FAM151A: variants seen among roughly 807,000 people sequenced by gnomAD.
FAM151A encodes protein FAM151A.
Under a neutral mutation model 40.4 loss-of-function variants are expected in FAM151A, and 41 were observed. That is an observed-to-expected ratio of 1.01 (90% CI 0.79 to 1.32). FAM151A has a LOEUF of 1.32. Ranked by LOEUF, FAM151A falls within the 40% of genes most tolerant of loss-of-function variation. The pLI is 0.00. For missense variants in FAM151A, 740 were observed against 740.4 expected (o/e 1.00, Z 0.01); for synonymous variants, 337 against 312.5 (o/e 1.08, Z -0.83).
chr1:54,610,610 C>T (rs1644107850), intron 6 of FAM151A, 55 bp from the exon 7 acceptor site: 1 of 1,583,192 alleles, frequency 6.3e-7, no homozygotes, highest in Non-Finnish European at 8.6e-7. Context: ...GAACACCTTA[C>T]CTGGTTGCTA....
intron 1 of FAM151A, chr1:54,621,497 A>T (rs1195609036): frequency 6.6e-6 from 1 of 152,170 alleles, no homozygotes; most frequent in African/African-American, 2.4e-5. Context: ...AAAAAAGATA[A>T]AAGATTGGAA....
rs1644119888 is a variant in FAM151A, at chr1:54,611,658, T to G, written c.888A>C (p.Gln296His). The G allele has an allele frequency of 1.2e-6, 2 of 1,614,040 alleles. No individual in the cohort carries two copies. The highest frequency in any genetic ancestry group is 2.2e-5 in the South Asian group (2 of 91,076). The change falls in exon 6 of 8, where the codon CAA (glutamine) becomes CAC (histidine). Residue 296 changes from glutamine (Q) to histidine (H), a missense_variant. Physicochemically the swap from Gln to His is conservative, Grantham distance 24. Coordinates refer to ENST00000302250, the MANE Select transcript of FAM151A (RefSeq NM_176782.3). ...LYVRDNTAVH[Q>H]VYYDIFEPLL... The stretch of plus-strand genomic sequence containing the variant: ...GAGGCTCAAAGATGTCATAGTAGAC[T>G]TGGTGGACAGCAGTGTTATCCCGGA...
intron 3 of FAM151A, among the ~76,000 whole-genome samples, chr1:54,615,094 G>T (rs77314204): frequency 0.031 from 4,653 of 152,224 alleles, 245 homozygotes; most frequent in African/African-American, 0.11. Context: ...CATCTCCTGC[G>T]GGGAGGAAAC....
At chr1:54,621,537 C>A in intron 1 of FAM151A, 1 of 152,258 alleles carries the variant, frequency 6.6e-6, no homozygotes, top group Admixed American at 6.5e-5. Flanking sequence ...TGAATGGCCT[C>A]GAACTTTAGC....
At chr1:54,610,289 A>G (rs1644103010) in intron 7 of FAM151A, 123 bp downstream of exon 7, 1 of 1,514,900 alleles carries the variant, frequency 6.6e-7, no homozygotes, top group South Asian at 1.3e-5. Context: ...CCCACCTTGC[A>G]TCCAGGGTAT....
Position 54,610,497 on chromosome 1 carries a change from C to G in FAM151A, c.999G>C (p.Gln333His). The G allele has an allele frequency of 1.9e-6, 3 of 1,613,320 alleles. 1 individual carries two copies. In the South Asian group the frequency reaches 3.3e-5, roughly 18 times the overall value. The change falls in exon 7 of 8, where the codon CAG (glutamine) becomes CAC (histidine). Residue 333 changes from glutamine (Q) to histidine (H), a missense_variant. Coordinates refer to ENST00000302250, the MANE Select transcript of FAM151A (RefSeq NM_176782.3). Reference sequence around the variant, plus strand: ...CATTCAGACCGTCATCCCCAGGCAGCTGGAGAAGAGGGATCAGGCTGCCTC... The same window carrying G: ...CATTCAGACCGTCATCCCCAGGCAGGTGGAGAAGAGGGATCAGGCTGCCTC... ...YTGGSLIPLL[Q>H]LPGDDGLNVE...
In FAM151A at chr1:54,614,384, A is replaced by G. The variant is rs1287045974; in HGVS notation, c.575+316T>C. Among the ~76,000 whole-genome samples the G allele has an allele frequency of 2.6e-5, 4 of 151,772 alleles. No homozygotes were observed. In the East Asian group the frequency reaches 7.8e-4, roughly 30 times the overall value. ...TCAATGTAGTAGGGGTGACAAATCT[A>G]TGAACACCCAGTGACAGCCCCATGA... On this transcript the variant is annotated intron_variant, in intron 4 of 7. Coordinates refer to ENST00000302250, the MANE Select transcript of FAM151A (RefSeq NM_176782.3).
intron 2 of FAM151A, among the ~76,000 whole-genome samples, chr1:54,617,635 T>G (rs1005762777): frequency 1.3e-5 from 2 of 150,236 alleles, no homozygotes; most frequent in African/African-American, 4.9e-5. Context: ...TTCTCCAACT[T>G]TAATGTGCAC....
At chr1:54,617,154 CA>C (rs1231866245) in intron 2 of FAM151A, among the ~76,000 whole-genome samples, 12 of 152,200 alleles carry the variant, frequency 7.9e-5, no homozygotes, top group Non-Finnish European at 8.8e-5. Flanking sequence ...ATCAGGTGGA[CA>C]TCTTCTGATT....
At position 54,616,085 on chromosome 1, in the gene FAM151A, G is replaced by C; in HGVS notation, c.350C>G (p.Pro117Arg). 6.2e-7 allele frequency: 1 copy of C among 1,614,134 alleles called. No homozygotes were observed. The highest frequency in any genetic ancestry group is 8.5e-7 in the Non-Finnish European group (1 of 1,179,996). ...CAGTGTGTTGTCACTGTAGATAGTG[G>C]GGGGGTGTGCCATGATGGGAACTCC... Reference protein sequence around the residue: ...ETGVPIMAHPPTIYSDNTLEQ... With the variant: ...ETGVPIMAHPRTIYSDNTLEQ... Residue 117 changes from proline to arginine, a missense_variant, in exon 3 of 8, where the codon CCC becomes CGC. Coordinates refer to ENST00000302250, the MANE Select transcript of FAM151A (RefSeq NM_176782.3).
intron 6 of FAM151A, among the ~76,000 whole-genome samples, chr1:54,611,382 A>G (rs1212883266): frequency 6.7e-6 from 1 of 149,642 alleles, no homozygotes; most frequent in Non-Finnish European, 1.5e-5. Flanking sequence ...CCTGGGTGAC[A>G]GAGTCAGACT....
chr1:54,621,232 G>A lies in FAM151A; in HGVS notation c.119-1225C>T, dbSNP rs561371643. 4.6e-5 allele frequency among the ~76,000 whole-genome samples: 7 copies of A among 151,616 alleles called. No homozygotes were observed. The East Asian group carries it at 1.2e-3, about 25-fold the overall frequency. ...AGCACTTTGGGAGACCGAGGCAGGC[G>A]GATCACCTGAGTTCAGGAGTTCACG... On this transcript the variant is annotated intron_variant, in intron 1 of 7. Transcript: ENST00000302250.
At chr1:54,610,713 G>T in intron 6 of FAM151A, 158 bp from the exon 7 acceptor site, 1 of 980,014 alleles carries the variant, frequency 1.0e-6, no homozygotes. Flanking sequence ...TAGACTAGAA[G>T]AAGTGACTTG....
chr1:54,612,757 C>T (rs777614531), intron 4 of FAM151A, 47 bp from the exon 5 acceptor site: 2 of 1,443,368 alleles, frequency 1.4e-6, no homozygotes, highest in African/African-American at 1.4e-5. Context: ...GCAGCGGCCC[C>T]TTCCTCTCCT....
Position 54,609,913 on chromosome 1 carries a change from A to C in FAM151A, c.1113T>G (p.Thr371=). 6.2e-7 allele frequency: 1 copy of C among 1,608,428 alleles called. No individual in the cohort carries two copies. Among genetic ancestry groups the C allele is most frequent in the Admixed American group, 1.7e-5 (1 of 60,016 alleles). The change falls in exon 8 of 8, where the codon ACT becomes ACG. Residue 371 remains threonine (T), a synonymous_variant. Transcript: ENST00000302250. The part of the protein sequence containing the change: ...PDTEGMILLN[T]GLEGTVAENP... ...TTTCAGCCACAGTTCCCTCGAGGCC[A>C]GTGTTCAGCAGGATCATGCCTTCTG...
chr1:54,609,668 GA>G lies in FAM151A; in HGVS notation c.1357del (p.Ser453ArgfsTer22). 6.2e-7 allele frequency: 1 copy of G among 1,613,980 alleles called. No homozygotes were observed. The highest frequency in any genetic ancestry group is 1.3e-5 in the African/African-American group (1 of 75,074). On this transcript the variant is annotated frameshift_variant, in exon 8 of 8. Coordinates refer to ENST00000302250, the MANE Select transcript of FAM151A (RefSeq NM_176782.3). LOFTEE classifies it low-confidence loss of function (END_TRUNC). ...TCTGCCAGCCACATGGCCGGGGACC[GA>G]AAAACTCCCGTGGGAGATTTTGGCC... Reference protein sequence around the residue: ...VGAKISHGSFSVPGHVAGREL... With the variant: ...VGAKISHGSFXVPGHVAGREL...
rs758848018 is a variant in FAM151A, at chr1:54,612,633, G to A, written c.653C>T (p.Ser218Phe). Reference sequence around the variant, plus strand: ...GGCTTGGGTGTACGTCCTGTTTGGGGACGTGGACATGTAGAAGGTGGTCCA... The same window carrying A: ...GGCTTGGGTGTACGTCCTGTTTGGGAACGTGGACATGTAGAAGGTGGTCCA... ...PGWTTFYMSTSPNRTYTQAMV... is the reference protein window; with the variant it reads ...PGWTTFYMSTFPNRTYTQAMV... Residue 218 changes from serine (S) to phenylalanine (F), a missense_variant, in exon 5 of 8, where the codon TCC becomes TTC. Coordinates refer to ENST00000302250, the MANE Select transcript of FAM151A (RefSeq NM_176782.3). 1 of 1,614,096 alleles carries A rather than the reference G, an allele frequency of 6.2e-7. No homozygotes were observed. Among genetic ancestry groups the A allele is most frequent in the East Asian group, 2.2e-5 (1 of 44,852 alleles).
intron 3 of FAM151A, 147 bp from the exon 4 acceptor site, chr1:54,615,006 C>A (rs940514635): frequency 1.2e-5 from 9 of 765,302 alleles, no homozygotes; most frequent in Middle Eastern, 2.7e-4. Context: ...AGCACCACAT[C>A]CCTGCAGGGT....
intron 7 of FAM151A, 74 bp downstream of exon 7, chr1:54,610,338 G>A (rs115202613): frequency 1.0e-4 from 156 of 1,567,532 alleles, no homozygotes; most frequent in Non-Finnish European, 1.3e-4. Context: ...AACAGAGACC[G>A]GCGGTACCTG....
Sources: allele counts gnomAD v4.1 joint callset (sites outside exome capture counted in the v4.1 genomes callset), GRCh38; gene constraint gnomAD v4.1.1; transcripts MANE v1.5; gene names NCBI Gene and HGNC (gene_info 2026-07-23, HGNC 2026-07-21).